Variants in SLC35F4 observed in about 807,000 individuals in gnomAD.
The protein encoded by SLC35F4 is solute carrier family 35 member F4, also known as chromosome 14 open reading frame 36.
A neutral mutation model predicts 44.2 loss-of-function variants in SLC35F4; 24 were observed. The ratio of observed to expected loss-of-function variants is 0.54; its 90% CI spans 0.39 to 0.76. SLC35F4 has a LOEUF of 0.76. Among genes scored for constraint, SLC35F4 ranks in the 30% least tolerant of loss-of-function variants. The pLI is 0.00. For missense variants in SLC35F4, 562 were observed against 586.1 expected, an observed-to-expected ratio of 0.96 and a Z score of 0.42; for synonymous variants, 238 against 223.6, an observed-to-expected ratio of 1.06 and a Z score of -0.57.
At chr14:57,957,494 G>C (rs904785700) in intron 1 of SLC35F4, among the ~76,000 whole-genome samples, 3 of 151,728 alleles carry the variant, frequency 2.0e-5, no homozygotes, top group African/African-American at 7.3e-5. Flanking sequence ...TCACCTACTA[G>C]TGAAAATTTA....
At position 57,634,804 on chromosome 14, in the gene SLC35F4, G is replaced by C. The variant is rs115709142; in HGVS notation, c.104-40680C>G. 6.8e-3 allele frequency among the ~76,000 whole-genome samples: 1,032 copies of C among 152,234 alleles called. 14 individuals carry two copies. The highest frequency in any genetic ancestry group is 0.023 in the African/African-American group (965 of 41,548). On this transcript the variant is annotated intron_variant, in intron 1 of 7. Transcript: ENST00000556826. Reference sequence around the variant, plus strand: ...CTAGGATGGAGGAGAGAGTTCAGGTGAAAGGTGATAGTGACTTCACCTAGA... The same window carrying C: ...CTAGGATGGAGGAGAGAGTTCAGGTCAAAGGTGATAGTGACTTCACCTAGA...
intron 1 of SLC35F4, among the ~76,000 whole-genome samples, chr14:57,739,165 C>A (rs1015389368): frequency 9.2e-5 from 14 of 152,002 alleles, no homozygotes; most frequent in African/African-American, 2.9e-4. Context: ...AGTCTTGGGA[C>A]AGAGAGTCCT....
At chr14:57,749,788 G>C (rs530577616) in intron 1 of SLC35F4, among the ~76,000 whole-genome samples, 59 of 152,262 alleles carry the variant, frequency 3.9e-4, no homozygotes, top group African/African-American at 1.4e-3. Context: ...TTATTTCATA[G>C]AGAGTGGGCA....
chr14:57,930,275 A>G (rs1889671551), intron 1 of SLC35F4, among the ~76,000 whole-genome samples: 1 of 152,210 alleles, frequency 6.6e-6, no homozygotes, highest in Non-Finnish European at 1.5e-5. Flanking sequence ...ATTAACGTGG[A>G]CAGACCCAGG....
intron 1 of SLC35F4, among the ~76,000 whole-genome samples, chr14:57,729,942 C>A (rs1201129928): frequency 6.6e-6 from 1 of 152,208 alleles, no homozygotes; most frequent in Admixed American, 6.5e-5. Flanking sequence ...CCTTCATACA[C>A]AGGCACTGCC....
At chr14:57,982,908 C>G (rs1053357307), upstream of SLC35F4, among the ~76,000 whole-genome samples, 3 of 152,140 alleles carry the variant, frequency 2.0e-5, no homozygotes, top group Non-Finnish European at 4.4e-5. Flanking sequence ...ATCAGCTCCT[C>G]TCTCTCCATT....
In SLC35F4 at chr14:57,951,444, C is replaced by T. The variant is rs1177601821; in HGVS notation, n.282+30469G>A. 4.6e-5 allele frequency among the ~76,000 whole-genome samples: 7 copies of T among 152,208 alleles called. No individual in the cohort carries two copies. In the East Asian group the frequency reaches 1.2e-3, roughly 25 times the overall value. On this transcript the variant is annotated intron_variant and non_coding_transcript_variant, in intron 1 of 1. Coordinates refer to the SLC35F4 transcript ENST00000556568. Reference sequence around the variant, plus strand: ...TGCCAGCGAGACAGAACCATTCAATCCCCTGGAAAAGGGGGCTGAAGCCAG... The same window carrying T: ...TGCCAGCGAGACAGAACCATTCAATTCCCTGGAAAAGGGGGCTGAAGCCAG...
chr14:57,683,134 C>T (rs991965761), intron 1 of SLC35F4, among the ~76,000 whole-genome samples: 12 of 152,136 alleles, frequency 7.9e-5, no homozygotes, highest in African/African-American at 1.7e-4. Context: ...AAACACATAG[C>T]TAATTCATTT....
At chr14:57,602,831 G>C (rs1455423540) in intron 1 of SLC35F4, among the ~76,000 whole-genome samples, 1 of 152,080 alleles carries the variant, frequency 6.6e-6, no homozygotes, top group Non-Finnish European at 1.5e-5. Flanking sequence ...CTTAACACTT[G>C]CTTGTTTCTA....
Position 57,726,791 on chromosome 14 carries a change from G to A in SLC35F4, c.104-132667C>T, listed in dbSNP as rs534914823. Among the ~76,000 whole-genome samples, 23 of 152,182 alleles carry A rather than the reference G, an allele frequency of 1.5e-4. No homozygotes were observed. The South Asian group carries it at 4.8e-3, about 32-fold the overall frequency. On this transcript the variant is annotated intron_variant, in intron 1 of 7. Transcript: ENST00000556826. ...TGAAGGATGCAAATTATTCATCTTG[G>A]GTGTGTCTGTGATGGTGTTGCCAAA...
chr14:57,866,154 C>G (rs1309735512), upstream of SLC35F4: 1 of 170,110 alleles, frequency 5.9e-6, no homozygotes, highest in Non-Finnish European at 1.2e-5. Flanking sequence ...CCCACCTGGT[C>G]GCCAGCTTTC....
chr14:57,932,122 T>C (rs776391251), intron 1 of SLC35F4, among the ~76,000 whole-genome samples: 1 of 152,218 alleles, frequency 6.6e-6, no homozygotes, highest in Non-Finnish European at 1.5e-5. Context: ...CTTCCCCCAG[T>C]TTCCCGTCAT....
intron 1 of SLC35F4, chr14:57,629,754 C>T (rs1266973328): frequency 7.3e-6 from 2 of 273,350 alleles, no homozygotes; most frequent in African/African-American, 2.2e-5. Flanking sequence ...GACAGGAACA[C>T]AGGAAGCAGG....
chr14:57,728,031 CTAA>C (rs750873236), intron 1 of SLC35F4, among the ~76,000 whole-genome samples: 8 of 152,102 alleles, frequency 5.3e-5, no homozygotes, highest in Non-Finnish European at 7.4e-5. Flanking sequence ...CTCTTCAGCT[CTAA>C]TAATATTTGC....
intron 1 of SLC35F4, among the ~76,000 whole-genome samples, chr14:57,774,862 C>T (rs2077450299): frequency 6.6e-6 from 1 of 152,186 alleles, no homozygotes; most frequent in Non-Finnish European, 1.5e-5. Context: ...GCAGATCTTG[C>T]CTTCCCTTCC....
intron 1 of SLC35F4, among the ~76,000 whole-genome samples, chr14:57,925,495 A>AAGGAAGGGAGGG (rs1889541447): frequency 1.8e-5 from 1 of 54,166 alleles, no homozygotes; most frequent in African/African-American, 7.5e-5. Context: ...GGAAGGAAGG[A>AAGGAAGGGAGGG]AGGGAGGGAG....
chr14:57,973,864 G>C (rs1174411265), downstream of SLC35F4, among the ~76,000 whole-genome samples: 3 of 151,964 alleles, frequency 2.0e-5, no homozygotes. Context: ...ACATCTCGAG[G>C]TATGTATGTA....
At chr14:57,893,024 G>A (rs574006727) in intron 1 of SLC35F4, among the ~76,000 whole-genome samples, 19 of 152,226 alleles carry the variant, frequency 1.2e-4, no homozygotes, top group African/African-American at 4.6e-4. Flanking sequence ...GGCTAGAACT[G>A]GACATTTTTG....
chr14:57,631,057 T>C lies in SLC35F4; in HGVS notation c.104-36933A>G, dbSNP rs569331096. On this transcript the variant is annotated intron_variant, in intron 1 of 7. Transcript: ENST00000556826. ...GAACCGTTAACCTAGAAATGTAGCT[T>C]GTTAATAAGAATGACACAAAAATGA... 23 of 167,470 alleles carry C rather than the reference T, an allele frequency of 1.4e-4. No homozygotes were observed. In the Admixed American group the frequency reaches 1.4e-3, roughly 10 times the overall value. 10.4% of individuals were successfully genotyped at this position (167,470 alleles called of 1,614,324 possible).
Sources: allele counts gnomAD v4.1 joint callset (sites outside exome capture counted in the v4.1 genomes callset), GRCh38; gene constraint gnomAD v4.1.1; transcripts MANE v1.5; gene names NCBI Gene and HGNC (gene_info 2026-07-23, HGNC 2026-07-21).